Variants in ASF1B observed in about 807,000 individuals in gnomAD.
The protein encoded by ASF1B is anti-silencing function 1B histone chaperone.
A neutral mutation model predicts 16.6 loss-of-function variants in ASF1B; 10 were observed. That is an observed-to-expected ratio of 0.60 (90% CI 0.37 to 1.02). The LOEUF (loss-of-function observed/expected upper bound fraction) is 1.02. ASF1B is among the 50% of genes least tolerant of loss of function. The pLI is 0.01. For missense variants in ASF1B, 240 were observed against 266.0 expected, an observed-to-expected ratio of 0.90 and a Z score of 0.68; for synonymous variants, 101 against 106.2, an observed-to-expected ratio of 0.95 and a Z score of 0.30.
rs1967495461 is a variant in ASF1B, at chr19:14,136,199, G to A, written c.109+149C>T. On this transcript the variant is annotated intron_variant, in intron 1 of 3. Coordinates refer to ENST00000263382, the MANE Select transcript of ASF1B (RefSeq NM_018154.3). Reference sequence around the variant, plus strand: ...GCGGGGGGTCTCCACCGGGAGATCCGGTTGACTGGCGGGCTGGGGGAGATC... The same window carrying A: ...GCGGGGGGTCTCCACCGGGAGATCCAGTTGACTGGCGGGCTGGGGGAGATC... The A allele has an allele frequency of 2.5e-5, 15 of 592,770 alleles. No individual in the cohort carries two copies. The South Asian group carries it at 3.2e-4, about 13-fold the overall frequency. The allele number at this position is 592,770 out of a possible 1,614,324, so 36.7% of individuals were successfully genotyped here.
chr19:14,125,711 C>A (rs1431676862), intron 2 of ASF1B, among the ~76,000 whole-genome samples: 1 of 152,160 alleles, frequency 6.6e-6, no homozygotes, highest in Non-Finnish European at 1.5e-5. Context: ...CACCACCATG[C>A]TCTGCTGATT....
intron 1 of ASF1B, among the ~76,000 whole-genome samples, chr19:14,133,070 T>C (rs994057125): frequency 6.7e-6 from 1 of 148,886 alleles, no homozygotes; most frequent in Non-Finnish European, 1.5e-5. Flanking sequence ...CAATGAGCCA[T>C]GATCACGCCA....
At chr19:14,136,326 C>T in intron 1 of ASF1B, 22 bp downstream of exon 1, 1 of 1,602,224 alleles carries the variant, frequency 6.2e-7, no homozygotes, top group Non-Finnish European at 8.5e-7. Flanking sequence ...GGGTGGGGGT[C>T]CCCGCACAGG....
At chr19:14,135,724 A>G (rs1297200375) in intron 1 of ASF1B, among the ~76,000 whole-genome samples, 1 of 152,096 alleles carries the variant, frequency 6.6e-6, no homozygotes, top group Non-Finnish European at 1.5e-5. Flanking sequence ...AGAGGTCTCC[A>G]TAGGGAAAAT....
Position 14,120,422 on chromosome 19 carries a change from C to A in ASF1B, c.*37G>T. 7 of 1,602,652 alleles carry A rather than the reference C, an allele frequency of 4.4e-6. No individual in the cohort carries two copies. The highest frequency in any genetic ancestry group is 6.0e-6 in the Non-Finnish European group (7 of 1,173,568). ...AGGACTCGCTGGGAGGCCTGGTTGC[C>A]CCTCCCGGCGTGCTGGGACACTCTG... On this transcript the variant is annotated 3_prime_UTR_variant, in exon 4 of 4. Transcript: ENST00000263382.
chr19:14,130,705 C>T (rs1225185661), intron 1 of ASF1B, among the ~76,000 whole-genome samples: 1 of 151,566 alleles, frequency 6.6e-6, no homozygotes, highest in East Asian at 1.9e-4. Flanking sequence ...CAAGGCAACT[C>T]AACTGTGTCC....
In ASF1B at chr19:14,136,390, G is replaced by A; in HGVS notation, c.67C>T (p.Arg23Trp). The change falls in exon 1 of 4, where the codon CGG becomes TGG. Residue 23 changes from arginine (R) to tryptophan (W), a missense_variant. By Grantham distance (101) the Arg-to-Trp change is moderately radical. Coordinates refer to ENST00000263382, the MANE Select transcript of ASF1B (RefSeq NM_018154.3). Reference sequence around the variant, plus strand: ...CTGCACTCGAAGCTGATCTCGAACCGGAAGGGGCTGTGGAAAGGGCTCGGG... The same window carrying A: ...CTGCACTCGAAGCTGATCTCGAACCAGAAGGGGCTGTGGAAAGGGCTCGGG... ...ENPSPFHSPF[R>W]FEISFECSEA... 6.2e-7 allele frequency: 1 copy of A among 1,613,744 alleles called. No homozygotes were observed.
In ASF1B at chr19:14,136,317, G is replaced by A. The variant is rs181011145; in HGVS notation, c.109+31C>T. On this transcript the variant is annotated intron_variant, in intron 1 of 3. Transcript: ENST00000263382. ...GAGGGGAGGCCGGGGTCGGCCCGGG[G>A]GTGGGGGTCCCCGCACAGGCCCAGC... is the stretch of plus-strand genomic sequence containing the variant. 9,606 of 1,593,780 alleles carry A rather than the reference G, an allele frequency of 6.0e-3. 46 individuals are homozygous for A. Among genetic ancestry groups the A allele is most frequent in the South Asian group, 7.9e-3 (708 of 90,082 alleles).
chr19:14,126,980 G>A (rs986576521), intron 1 of ASF1B, among the ~76,000 whole-genome samples: 1 of 152,122 alleles, frequency 6.6e-6, no homozygotes, highest in East Asian at 1.9e-4. Context: ...GGTGTGCAGC[G>A]GGATGTTCAT....
At chr19:14,126,845 G>A (rs34588554) in intron 1 of ASF1B, among the ~76,000 whole-genome samples, 15,413 of 152,224 alleles carry the variant, frequency 0.1, 980 homozygotes, top group Admixed American at 0.17. Context: ...GACTTCAAGT[G>A]ATCTGCCCGC....
At chr19:14,122,774 G>C (rs1036972197) in intron 2 of ASF1B, among the ~76,000 whole-genome samples, 1 of 152,206 alleles carries the variant, frequency 6.6e-6, no homozygotes, top group African/African-American at 2.4e-5. Context: ...CCGGGGGACA[G>C]TGGCATGAAG....
At chr19:14,125,019 T>C (rs1479428572) in intron 2 of ASF1B, among the ~76,000 whole-genome samples, 2 of 152,140 alleles carry the variant, frequency 1.3e-5, no homozygotes, top group East Asian at 3.9e-4. Context: ...CAGGCTAGAG[T>C]GCACTGGTGC....
At chr19:14,129,837 A>C (rs1967374603) in intron 1 of ASF1B, among the ~76,000 whole-genome samples, 1 of 151,196 alleles carries the variant, frequency 6.6e-6, no homozygotes, top group South Asian at 2.1e-4. Flanking sequence ...GCTTGAGCTC[A>C]GAAGTTCGAG....
chr19:14,130,834 A>G (rs1410694398), intron 1 of ASF1B, among the ~76,000 whole-genome samples: 2 of 151,362 alleles, frequency 1.3e-5, no homozygotes, highest in South Asian at 2.1e-4. Flanking sequence ...AAAGACATGT[A>G]CACAATTAGT....
chr19:14,121,004 A>G (rs541628326), intron 3 of ASF1B, among the ~76,000 whole-genome samples: 1 of 152,136 alleles, frequency 6.6e-6, no homozygotes, highest in Non-Finnish European at 1.5e-5. Flanking sequence ...TATTTTTAGT[A>G]GAGACGGGCT....
At chr19:14,121,184 G>A (rs952740948) in intron 3 of ASF1B, 9 of 389,682 alleles carry the variant, frequency 2.3e-5, no homozygotes, top group Middle Eastern at 6.9e-4. Flanking sequence ...GCAGTGGCAC[G>A]ATCTGAGCTC....
At chr19:14,122,945 C>T (rs1261252180) in intron 2 of ASF1B, among the ~76,000 whole-genome samples, 4 of 152,210 alleles carry the variant, frequency 2.6e-5, no homozygotes, top group Non-Finnish European at 5.9e-5. Context: ...TGTAGTGGAG[C>T]AGAAGGCTTA....
Position 14,136,515 on chromosome 19 carries a change from C to G in ASF1B, c.-59G>C. Reference sequence around the variant, plus strand: ...GGCTGTGGCTGTGGCGGAGGCCGCGCCTGGGTCCGGTGGGGTCAGTGGGGT... The same window carrying G: ...GGCTGTGGCTGTGGCGGAGGCCGCGGCTGGGTCCGGTGGGGTCAGTGGGGT... On this transcript the variant is annotated 5_prime_UTR_variant, in exon 1 of 4. Coordinates refer to ENST00000263382, the MANE Select transcript of ASF1B (RefSeq NM_018154.3). 1 of 1,534,736 alleles carries G rather than the reference C, an allele frequency of 6.5e-7. No homozygotes were observed.
chr19:14,133,172 C>T (rs1443953341), intron 1 of ASF1B, among the ~76,000 whole-genome samples: 2 of 151,972 alleles, frequency 1.3e-5, no homozygotes, highest in Non-Finnish European at 2.9e-5. Flanking sequence ...TAGCACTTCC[C>T]TTCACTGCAT....
Sources: gnomAD v4.1 joint callset for allele counts (sites outside exome capture counted in the v4.1 genomes callset) on GRCh38, gnomAD v4.1.1 for gene constraint, MANE v1.5 for transcripts, NCBI Gene and HGNC (gene_info 2026-07-23, HGNC 2026-07-21) for gene names.